Variants in MAPRE2 observed in about 807,000 individuals in gnomAD.
MAPRE2 encodes microtubule-associated protein RP/EB family member 2.
In MAPRE2, 13 loss-of-function variants were observed where a neutral mutation model predicts 43.2. The ratio of observed to expected loss-of-function variants is 0.30; its 90% CI spans 0.20 to 0.48. MAPRE2 has a LOEUF of 0.48. Ranked by LOEUF, MAPRE2 falls within the 20% of genes least tolerant of loss-of-function variation. The pLI is 0.99. For synonymous variants in MAPRE2, 135 were observed against 148.8 expected, an observed-to-expected ratio of 0.91 and a Z score of 0.68; for missense variants, 161 against 400.2, an observed-to-expected ratio of 0.40 and a Z score of 5.10.
chr18:35,117,400 T>C (rs1414426092), intron 4 of MAPRE2, among the ~76,000 whole-genome samples: 1 of 152,200 alleles, frequency 6.6e-6, no homozygotes, highest in Non-Finnish European at 1.5e-5. Context: ...ACACTGGTCT[T>C]GCTAGTTATT....
At chr18:35,136,985 T>G (rs1350657968) in intron 6 of MAPRE2, among the ~76,000 whole-genome samples, 1 of 152,242 alleles carries the variant, frequency 6.6e-6, no homozygotes, top group African/African-American at 2.4e-5. Flanking sequence ...GGCCTCCTAC[T>G]TAGACATGGG....
chr18:34,999,194 G>T (rs532444161), intron 1 of MAPRE2, among the ~76,000 whole-genome samples: 2 of 152,226 alleles, frequency 1.3e-5, no homozygotes, highest in East Asian at 3.9e-4. Flanking sequence ...GAGGAGAGGA[G>T]CTATTCTATG....
In MAPRE2 at chr18:35,143,447, TAAAAA is replaced by T. The variant is rs74555820; in HGVS notation, c.*3084_*3088del. 1.3e-5 allele frequency: 2 copies of T among 148,752 alleles called. No homozygotes were observed. Among genetic ancestry groups the T allele is most frequent in the Non-Finnish European group, 3.0e-5 (2 of 66,942 alleles). The allele number at this position is 148,752 out of a possible 1,614,324, so 9.2% of individuals were successfully genotyped here. A position where few individuals can be genotyped will look rare whatever the true frequency, so the allele number is the denominator to read the frequency against. Reference sequence around the variant, plus strand: ...TGCATTGATCTTTTTACATATTTAATAAAAAAAAAAGTATATGTTAAAATCTGCCT... The same window carrying T: ...TGCATTGATCTTTTTACATATTTAATAAAAAGTATATGTTAAAATCTGCCT... On this transcript the variant is annotated 3_prime_UTR_variant, in exon 7 of 7. Coordinates refer to ENST00000300249, the MANE Select transcript of MAPRE2 (RefSeq NM_014268.4).
chr18:35,016,217 C>T (rs273360), intron 2 of MAPRE2, among the ~76,000 whole-genome samples: 99,688 of 151,756 alleles, frequency 0.66, 34,574 homozygotes, highest in East Asian at 0.98. Flanking sequence ...GACTCCTAGG[C>T]AGATTCCACA....
At chr18:35,062,508 A>G (rs904018944) in intron 1 of MAPRE2, among the ~76,000 whole-genome samples, 3 of 152,238 alleles carry the variant, frequency 2.0e-5, no homozygotes, top group African/African-American at 7.2e-5. Flanking sequence ...TTTACCTGCT[A>G]TGCTGGAACA....
chr18:35,062,381 A>G (rs959265064), intron 1 of MAPRE2, among the ~76,000 whole-genome samples: 3 of 152,244 alleles, frequency 2.0e-5, no homozygotes, highest in Admixed American at 6.5e-5. Flanking sequence ...TTAAATTCTC[A>G]TAATATTTGC....
intron 6 of MAPRE2, among the ~76,000 whole-genome samples, chr18:35,136,890 G>A (rs977149922): frequency 3.9e-5 from 6 of 152,240 alleles, no homozygotes; most frequent in Non-Finnish European, 7.3e-5. Flanking sequence ...TCAACGGAAA[G>A]ATGTGAATAG....
chr18:35,041,587 C>T lies in MAPRE2; in HGVS notation c.48C>T (p.Asn16=). 6.2e-7 allele frequency: 1 copy of T among 1,614,240 alleles called. No individual in the cohort carries two copies. Among genetic ancestry groups the T allele is most frequent in the Non-Finnish European group, 8.5e-7 (1 of 1,180,052 alleles). Residue 16 remains asparagine (N), a synonymous_variant, in exon 1 of 7, where the codon AAC becomes AAT. Transcript: ENST00000300249. ...QTLSPNGENN[N]DIIQDNNGTI... ...TGTCCCCAAATGGCGAGAACAACAA[C>T]GACATCATCCAGGATAATAACGGGA...
At chr18:35,082,910 T>C (rs955775441) in intron 2 of MAPRE2, among the ~76,000 whole-genome samples, 2 of 152,236 alleles carry the variant, frequency 1.3e-5, no homozygotes, top group African/African-American at 4.8e-5. Flanking sequence ...ATAGTTGTTT[T>C]GTATTTTTGC....
At chr18:35,088,517 A>G (rs1030484020) in intron 2 of MAPRE2, among the ~76,000 whole-genome samples, 1 of 152,200 alleles carries the variant, frequency 6.6e-6, no homozygotes, top group Admixed American at 6.5e-5. Flanking sequence ...TCTTAGCAGG[A>G]GAGGGATGTG....
intron 1 of MAPRE2, among the ~76,000 whole-genome samples, chr18:35,043,175 C>A (rs1212222473): frequency 1.3e-5 from 2 of 152,188 alleles, no homozygotes; most frequent in African/African-American, 2.4e-5. Flanking sequence ...GCCTCTTCTC[C>A]TCTTACTCCT....
chr18:35,113,107 G>T (rs1909253062), intron 4 of MAPRE2, among the ~76,000 whole-genome samples: 1 of 152,184 alleles, frequency 6.6e-6, no homozygotes, highest in South Asian at 2.1e-4. Context: ...TCAACGTATA[G>T]ATCTGGGGGG....
At chr18:35,065,233 C>T (rs952531874) in intron 1 of MAPRE2, among the ~76,000 whole-genome samples, 1 of 151,462 alleles carries the variant, frequency 6.6e-6, no homozygotes, top group African/African-American at 2.4e-5. Context: ...GGGAGGTAGA[C>T]GTTGCAGTGA....
upstream of MAPRE2, among the ~76,000 whole-genome samples, chr18:35,036,503 C>A (rs2097050651): frequency 6.6e-6 from 1 of 152,164 alleles, no homozygotes; most frequent in African/African-American, 2.4e-5. Context: ...CACCTTCATC[C>A]TTGCCCCATC....
chr18:35,053,686 TTAATTG>T (rs1219117374), intron 1 of MAPRE2, among the ~76,000 whole-genome samples: 1 of 152,152 alleles, frequency 6.6e-6, no homozygotes, highest in Non-Finnish European at 1.5e-5. Flanking sequence ...TTTTTTTTCT[TTAATTG>T]TAACAAGGAT....
chr18:35,046,341 G>A (rs1458965325), intron 1 of MAPRE2, among the ~76,000 whole-genome samples: 1 of 152,122 alleles, frequency 6.6e-6, no homozygotes, highest in Non-Finnish European at 1.5e-5. Context: ...GTCTGATAGC[G>A]AAAGTGGTTT....
chr18:35,026,520 A>G (rs74927783), intron 2 of MAPRE2, among the ~76,000 whole-genome samples: 2 of 150,388 alleles, frequency 1.3e-5, no homozygotes, highest in South Asian at 4.2e-4. Context: ...TTTTTTTTTT[A>G]GTTGCTTCCA....
intron 4 of MAPRE2, among the ~76,000 whole-genome samples, chr18:35,126,017 A>C (rs577412758): frequency 2.0e-3 from 298 of 152,318 alleles, no homozygotes; most frequent in African/African-American, 6.9e-3. Flanking sequence ...ATCGCTTATT[A>C]GTTACGGATG....
chr18:34,980,034 T>TA (rs2097015322), intron 1 of MAPRE2, among the ~76,000 whole-genome samples: 1 of 21,584 alleles, frequency 4.6e-5, no homozygotes, highest in Non-Finnish European at 1.3e-4. Context: ...TTTTTTTCTT[T>TA]TTTTTTTTTT....
Sources: allele counts gnomAD v4.1 joint callset (sites outside exome capture counted in the v4.1 genomes callset), GRCh38; gene constraint gnomAD v4.1.1; transcripts MANE v1.5; gene names NCBI Gene and HGNC (gene_info 2026-07-23, HGNC 2026-07-21).